Variants in DNM3 observed in about 807,000 individuals in gnomAD.
The protein encoded by DNM3 is dynamin 3, also known as dynamin-3.
DNM3 carries 47 observed loss-of-function variants against 101.6 expected under a neutral mutation model. That is an observed-to-expected ratio of 0.46 (90% CI 0.37 to 0.59). The LOEUF (loss-of-function observed/expected upper bound fraction) is 0.59. DNM3 is among the 20% of genes least tolerant of loss of function. The pLI, the probability that DNM3 is intolerant of heterozygous loss-of-function variation, is 0.00. For synonymous variants in DNM3, 385 were observed against 387.9 expected (o/e 0.99, Z 0.09); for missense variants, 849 against 1,085.7 (o/e 0.78, Z 3.06).
intron 15 of DNM3, among the ~76,000 whole-genome samples, chr1:172,259,192 G>C (rs973342451): frequency 2.0e-5 from 3 of 151,976 alleles, no homozygotes; most frequent in Non-Finnish European, 2.9e-5. Flanking sequence ...GACATGTTCT[G>C]TGTGCTGATT....
intron 14 of DNM3, among the ~76,000 whole-genome samples, chr1:172,148,612 T>C (rs534577738): frequency 6.6e-6 from 1 of 152,148 alleles, no homozygotes; most frequent in Non-Finnish European, 1.5e-5. Context: ...ACCAGTGATA[T>C]AATCTTGTGT....
chr1:172,031,481 A>G lies in DNM3; in HGVS notation c.590-921A>G, dbSNP rs186667983. On this transcript the variant is annotated intron_variant, in intron 4 of 20. Transcript: ENST00000627582. The stretch of plus-strand genomic sequence containing the variant: ...GGCTTAAAACCTAGATGATGGGTTG[A>G]TAGGTGCAGCAAACCACCACGGCAC... 2.1e-3 allele frequency among the ~76,000 whole-genome samples: 319 copies of G among 152,254 alleles called. 1 individual carries two copies. The Middle Eastern group carries it at 0.027, about 13-fold the overall frequency.
intron 13 of DNM3, among the ~76,000 whole-genome samples, chr1:172,113,933 C>G (rs1190873512): frequency 1.3e-5 from 2 of 152,094 alleles, no homozygotes; most frequent in East Asian, 3.8e-4. Flanking sequence ...GACATTATTT[C>G]CTGATTTAAT....
At chr1:172,248,418 T>A (rs1322149571) in intron 14 of DNM3, among the ~76,000 whole-genome samples, 4 of 152,130 alleles carry the variant, frequency 2.6e-5, no homozygotes, top group Non-Finnish European at 1.5e-5. Flanking sequence ...CACAAAAGAA[T>A]GATGACATAA....
intron 2 of DNM3, among the ~76,000 whole-genome samples, chr1:171,954,693 C>T (rs960386809): frequency 2.0e-4 from 31 of 152,084 alleles, no homozygotes; most frequent in African/African-American, 7.0e-4. Flanking sequence ...GAGGTTTAGT[C>T]CTTGGTAACA....
chr1:172,294,795 C>G (rs1573335468), intron 15 of DNM3, among the ~76,000 whole-genome samples: 1 of 151,596 alleles, frequency 6.6e-6, no homozygotes, highest in African/African-American at 2.4e-5. Context: ...GGCTGTAGTC[C>G]CGGCTACTTG....
At chr1:172,219,695 A>T (rs1572997021) in intron 14 of DNM3, among the ~76,000 whole-genome samples, 1 of 152,154 alleles carries the variant, frequency 6.6e-6, no homozygotes, top group Admixed American at 6.6e-5. Context: ...CAAGGTGAAG[A>T]TGTAGAAAAG....
intron 4 of DNM3, among the ~76,000 whole-genome samples, chr1:171,989,822 A>G (rs1040478141): frequency 1.3e-5 from 2 of 152,154 alleles, no homozygotes; most frequent in Non-Finnish European, 2.9e-5. Flanking sequence ...TGCCCTTTCA[A>G]TATGGAGATA....
chr1:171,870,283 G>A (rs2035146998), intron 1 of DNM3, among the ~76,000 whole-genome samples: 1 of 152,070 alleles, frequency 6.6e-6, no homozygotes, highest in African/African-American at 2.4e-5. Context: ...CTCTCACTCT[G>A]TTCTCATTAA....
intron 20 of DNM3, among the ~76,000 whole-genome samples, chr1:172,398,618 A>G (rs1330697997): frequency 1.3e-5 from 2 of 152,206 alleles, no homozygotes; most frequent in Non-Finnish European, 2.9e-5. Context: ...TCATTTATAA[A>G]CATTTTGGCT....
At chr1:172,194,014 C>G (rs2059846035) in intron 14 of DNM3, among the ~76,000 whole-genome samples, 1 of 152,146 alleles carries the variant, frequency 6.6e-6, no homozygotes, top group African/African-American at 2.4e-5. Flanking sequence ...ATAAATTTCC[C>G]TCTACACACT....
intron 15 of DNM3, among the ~76,000 whole-genome samples, chr1:172,258,956 G>GT (rs941567390): frequency 2.0e-5 from 3 of 150,406 alleles, no homozygotes; most frequent in African/African-American, 7.3e-5. Context: ...TTTGATTTCT[G>GT]TTTTTTTCAA....
chr1:172,131,749 A>G (rs1232635124), intron 14 of DNM3: 1 of 342,254 alleles, frequency 2.9e-6, no homozygotes, highest in African/African-American at 2.2e-5. Context: ...AAGAACGTCC[A>G]CATCGCTAGT....
chr1:172,235,339 A>C (rs1242069101), intron 14 of DNM3, among the ~76,000 whole-genome samples: 2 of 152,182 alleles, frequency 1.3e-5, no homozygotes, highest in African/African-American at 4.8e-5. Flanking sequence ...TTAAAAAGTC[A>C]GGAAACAACA....
intron 13 of DNM3, among the ~76,000 whole-genome samples, chr1:172,096,617 G>A (rs138738465): frequency 0.018 from 2,688 of 152,310 alleles, 35 homozygotes; most frequent in Non-Finnish European, 0.027. Context: ...ACAGAGAAAG[G>A]AGCATAGTGA....
intron 2 of DNM3, among the ~76,000 whole-genome samples, chr1:171,949,579 A>C (rs972454468): frequency 6.6e-6 from 1 of 151,552 alleles, no homozygotes; most frequent in Non-Finnish European, 1.5e-5. Flanking sequence ...CTGGCTAATG[A>C]AATTTTTTTT....
chr1:171,880,119 G>A (rs2036134588), intron 1 of DNM3, among the ~76,000 whole-genome samples: 1 of 152,176 alleles, frequency 6.6e-6, no homozygotes, highest in Admixed American at 6.6e-5. Context: ...AAGTTGAGCT[G>A]GCCAATGTGC....
intron 13 of DNM3, among the ~76,000 whole-genome samples, chr1:172,093,452 A>G (rs16843827): frequency 0.036 from 5,446 of 152,274 alleles, 225 homozygotes; most frequent in East Asian, 0.13. Flanking sequence ...GTATTAACTC[A>G]ACAGTTTGCT....
chr1:172,095,931 A>T (rs545627173), intron 13 of DNM3, among the ~76,000 whole-genome samples: 13 of 152,166 alleles, frequency 8.5e-5, no homozygotes, highest in Non-Finnish European at 1.9e-4. Context: ...TCATCCTTCC[A>T]CTCATGTATT....
Sources: allele counts gnomAD v4.1 joint callset (sites outside exome capture counted in the v4.1 genomes callset), GRCh38; gene constraint gnomAD v4.1.1; transcripts MANE v1.5; gene names NCBI Gene and HGNC (gene_info 2026-07-23, HGNC 2026-07-21).